The following LIMK1 variants were observed in gnomAD, a reference collection of about 807,000 sequenced individuals.
LIMK1 encodes the protein LIM domain kinase 1.
LIMK1 carries 21 observed loss-of-function variants against 77.6 expected under a neutral mutation model. The observed-to-expected ratio is 0.27, with a 90% confidence interval of 0.19 to 0.39. The LOEUF (loss-of-function observed/expected upper bound fraction) is 0.39. Among genes scored for constraint, LIMK1 ranks in the 10% least tolerant of loss-of-function variants. The pLI is 1.00. For synonymous variants in LIMK1, 358 were observed against 370.0 expected, an observed-to-expected ratio of 0.97 and a Z score of 0.37; for missense variants, 696 against 901.6, an observed-to-expected ratio of 0.77 and a Z score of 2.92.
chr7:74,090,038 C>G lies in LIMK1; in HGVS notation c.152+4194C>G, dbSNP rs1799207898. On this transcript the variant is annotated intron_variant, in intron 2 of 15. Coordinates refer to ENST00000336180, the MANE Select transcript of LIMK1 (RefSeq NM_002314.4). ...AGAGGGGTGAGTCCCCAGGTCAGGG[C>G]AGTAAAGAGGAGGCATGTTTGTGCT... 1.3e-5 allele frequency among the ~76,000 whole-genome samples: 2 copies of G among 151,992 alleles called. 1 individual carries two copies. Among genetic ancestry groups the G allele is most frequent in the South Asian group, 4.1e-4 (2 of 4,820 alleles).
rs77748197 is a variant in LIMK1 at position 74,105,869 on chromosome 7, C to A, written c.609-6C>A. ...GGCACTGGCCTGACCCCTGCCTTAC[C>A]CACAGAGTGGATCCGGGCTGCATGA... On this transcript the variant is annotated splice_polypyrimidine_tract_variant and splice_region_variant and intron_variant, in intron 5 of 15. Coordinates refer to ENST00000336180, the MANE Select transcript of LIMK1 (RefSeq NM_002314.4). 1,075 of 1,612,152 alleles carry A rather than the reference C, an allele frequency of 6.7e-4. 12 individuals are homozygous for A. The East Asian group carries it at 0.022, about 33-fold the overall frequency.
chr7:74,112,051 C>T, intron 12 of LIMK1, 53 bp downstream of exon 12: 1 of 1,393,926 alleles, frequency 7.2e-7, no homozygotes, highest in South Asian at 1.3e-5. Flanking sequence ...AGGAGCCCAT[C>T]CAACCCCAGC....
chr7:74,111,779 C>CT (rs1554698682), intron 11 of LIMK1, 72 bp downstream of exon 11: 14 of 1,521,710 alleles, frequency 9.2e-6, no homozygotes, highest in African/African-American at 1.4e-5. Context: ...CACAAAGAAG[C>CT]TTTGAAAGAG....
At chr7:74,119,040 C>T (rs994290503) in intron 13 of LIMK1, among the ~76,000 whole-genome samples, 7 of 151,858 alleles carry the variant, frequency 4.6e-5, no homozygotes, top group Non-Finnish European at 1.0e-4. Context: ...GGACTACAGG[C>T]GCCCGCCACC....
chr7:74,120,430 C>T (rs1554700330), intron 13 of LIMK1, among the ~76,000 whole-genome samples, 153 bp from the exon 14 acceptor site: 2 of 152,184 alleles, frequency 1.3e-5, no homozygotes, highest in African/African-American at 4.8e-5. Flanking sequence ...GGGAAAGAGC[C>T]TAAGCCTGGG....
chr7:74,107,972 TG>T lies in LIMK1; in HGVS notation c.1152+16del. On this transcript the variant is annotated intron_variant, in intron 9 of 15. Coordinates refer to ENST00000336180, the MANE Select transcript of LIMK1 (RefSeq NM_002314.4). ...TCCTCAAGGAGGTCAGTGAGCGGAA[TG>T]CCCTCTTCCCTCCAGAGGGACTTCC... 1 of 1,546,562 alleles carries T rather than the reference TG, an allele frequency of 6.5e-7. No individual in the cohort carries two copies. The highest frequency in any genetic ancestry group is 8.8e-7 in the Non-Finnish European group (1 of 1,141,042).
At chr7:74,117,218 A>G (rs1479414236) in intron 13 of LIMK1, among the ~76,000 whole-genome samples, 6 of 151,906 alleles carry the variant, frequency 3.9e-5, no homozygotes, top group African/African-American at 9.7e-5. Flanking sequence ...GGGTATCACT[A>G]TGTTGCCCAG....
intron 13 of LIMK1, among the ~76,000 whole-genome samples, chr7:74,118,032 A>C (rs1308738530): frequency 2.0e-5 from 3 of 150,322 alleles, no homozygotes; most frequent in African/African-American, 7.4e-5. Flanking sequence ...AGCAGAGGTT[A>C]CATTGGGCCA....
At chr7:74,095,102 A>T (rs1438946130) in intron 2 of LIMK1, among the ~76,000 whole-genome samples, 1 of 152,164 alleles carries the variant, frequency 6.6e-6, no homozygotes, top group Non-Finnish European at 1.5e-5. Flanking sequence ...CAGACAGCCC[A>T]TGAGTGATAC....
chr7:74,085,452 T>C (rs527549783), intron 1 of LIMK1, among the ~76,000 whole-genome samples: 1 of 152,354 alleles, frequency 6.6e-6, no homozygotes, highest in Admixed American at 6.5e-5. Flanking sequence ...TCTCCTCATT[T>C]ACCTTGCCAG....
At chr7:74,087,086 G>A (rs572120829) in intron 2 of LIMK1, among the ~76,000 whole-genome samples, 4 of 152,212 alleles carry the variant, frequency 2.6e-5, no homozygotes, top group African/African-American at 9.6e-5. Flanking sequence ...GGTCTCAAAG[G>A]ATGTGAGATT....
Position 74,097,166 on chromosome 7 carries a change from G to A in LIMK1, c.378G>A (p.Leu126=), listed in dbSNP as rs782703034. 2 of 1,611,956 alleles carry A rather than the reference G, an allele frequency of 1.2e-6. No individual in the cohort carries two copies. Among genetic ancestry groups the A allele is most frequent in the South Asian group, 2.2e-5 (2 of 90,832 alleles). Reference sequence around the variant, plus strand: ...TCGGTGACGGGGACACCTACACGCTGGTGGAGCACTCCAAGCTGTACTGGT... The same window carrying A: ...TCGGTGACGGGGACACCTACACGCTAGTGGAGCACTCCAAGCTGTACTGGT... ...TFIGDGDTYT[L]VEHSKLYCGH... Residue 126 remains leucine (L), a synonymous_variant, in exon 4 of 16, where the codon CTG becomes CTA. Coordinates refer to ENST00000336180, the MANE Select transcript of LIMK1 (RefSeq NM_002314.4).
At chr7:74,106,049 C>G (rs372786533) in intron 6 of LIMK1, 28 bp from the exon 7 acceptor site, 1 of 1,613,648 alleles carries the variant, frequency 6.2e-7, no homozygotes, top group Admixed American at 1.7e-5. Context: ...CCCCACTCCA[C>G]CCCCATTCAC....
intron 2 of LIMK1, among the ~76,000 whole-genome samples, chr7:74,087,121 G>C (rs2115613539): frequency 6.6e-6 from 1 of 152,266 alleles, no homozygotes; most frequent in East Asian, 1.9e-4. Flanking sequence ...GTAGAGTGGA[G>C]GTGGGGCGTG....
chr7:74,085,919 G>A (rs1251007743), intron 2 of LIMK1, 75 bp downstream of exon 2: 3 of 1,146,606 alleles, frequency 2.6e-6, no homozygotes, highest in Admixed American at 4.0e-5. Flanking sequence ...CAAGGAATGG[G>A]GGAGGCCGGG....
At chr7:74,108,482 TA>T (rs1389982539) in intron 9 of LIMK1, among the ~76,000 whole-genome samples, 2 of 151,810 alleles carry the variant, frequency 1.3e-5, no homozygotes, top group Admixed American at 6.6e-5. Context: ...CCGTCTCTAC[TA>T]AAAATACAAA....
rs144204301 is a variant in LIMK1 at position 74,118,473 on chromosome 7, C to T, written c.1568-2110C>T. Reference sequence around the variant, plus strand: ...AAGACTATAAAACAGTCTTAGTGGCCGGGCGCAGTGGTTCACGCTTGTAAT... The same window carrying T: ...AAGACTATAAAACAGTCTTAGTGGCTGGGCGCAGTGGTTCACGCTTGTAAT... On this transcript the variant is annotated intron_variant, in intron 13 of 15. Transcript: ENST00000336180. Among the ~76,000 whole-genome samples the T allele has an allele frequency of 1.6e-4, 24 of 150,512 alleles. No homozygotes were observed. The East Asian group carries it at 2.8e-3, about 18-fold the overall frequency.
chr7:74,096,570 T>G (rs1584111767), intron 2 of LIMK1, 52 bp from the exon 3 acceptor site: 1 of 1,610,018 alleles, frequency 6.2e-7, no homozygotes, highest in Non-Finnish European at 8.5e-7. Flanking sequence ...GGGGCCCAGG[T>G]GAGGTGGAGG....
intron 9 of LIMK1, among the ~76,000 whole-genome samples, chr7:74,108,548 T>G (rs1554698042): frequency 6.6e-6 from 1 of 150,676 alleles, no homozygotes. Context: ...CTCAGGAGGC[T>G]GAGGCAGGAG....
Sources: allele counts gnomAD v4.1 joint callset (sites outside exome capture counted in the v4.1 genomes callset), GRCh38; gene constraint gnomAD v4.1.1; transcripts MANE v1.5; gene names NCBI Gene and HGNC (gene_info 2026-07-23, HGNC 2026-07-21).